The following PTP4A1 variants were observed in gnomAD, a reference collection of about 807,000 sequenced individuals.
PTP4A1 encodes the protein protein tyrosine phosphatase 4A1.
A neutral mutation model predicts 20.5 loss-of-function variants in PTP4A1; 9 were observed. That is an observed-to-expected ratio of 0.44 (90% CI 0.26 to 0.77). The LOEUF (loss-of-function observed/expected upper bound fraction) is 0.77, where lower values mean the gene tolerates loss of function less well. PTP4A1 is among the 30% of genes least tolerant of loss of function. The pLI, the probability that PTP4A1 is intolerant of heterozygous loss-of-function variation, is 0.19. For missense variants in PTP4A1, 137 were observed against 218.8 expected (o/e 0.63, Z 2.36); for synonymous variants, 78 against 67.4 (o/e 1.16, Z -0.77).
intron 3 of PTP4A1, among the ~76,000 whole-genome samples, chr6:63,558,398 C>G (rs1776779175): frequency 6.6e-6 from 1 of 152,156 alleles, no homozygotes; most frequent in Non-Finnish European, 1.5e-5. Context: ...CCACTGCTCT[C>G]CAGACTCAAT....
In PTP4A1 at chr6:63,548,975, C is replaced by G. The variant is rs1015682955; in HGVS notation, c.-639-1325C>G. 13 of 745,360 alleles carry G rather than the reference C, an allele frequency of 1.7e-5. No individual in the cohort carries two copies. The Admixed American group carries it at 2.5e-4, about 14-fold the overall frequency. The allele number at this position is 745,360 out of a possible 1,614,324, so 46.2% of individuals were successfully genotyped here. A position where few individuals can be genotyped will look rare whatever the true frequency, so the allele number is the denominator to read the frequency against. ...CCCCCTTGATAATGCAGTAAGGGACCCGCATTTTATGACACAGGGCAGGCA... is the reference window on the plus strand; with the variant it reads ...CCCCCTTGATAATGCAGTAAGGGACGCGCATTTTATGACACAGGGCAGGCA... On this transcript the variant is annotated intron_variant, in intron 2 of 3. Transcript: ENST00000639568.
intron 2 of PTP4A1, among the ~76,000 whole-genome samples, chr6:63,528,603 G>A (rs1258567640): frequency 6.6e-6 from 1 of 151,762 alleles, no homozygotes; most frequent in Admixed American, 6.6e-5. Context: ...TGAAAAACTA[G>A]CCAGGCATGG....
chr6:63,561,403 TACA>T (rs1776945035), intron 3 of PTP4A1, among the ~76,000 whole-genome samples: 1 of 152,202 alleles, frequency 6.6e-6, no homozygotes, highest in African/African-American at 2.4e-5. Context: ...GGTATATTTC[TACA>T]ACAACCAGCA....
chr6:63,545,707 C>T (rs114912618), intron 2 of PTP4A1, among the ~76,000 whole-genome samples: 2,097 of 152,128 alleles, frequency 0.014, 47 homozygotes, highest in African/African-American at 0.048. Context: ...AGGCCTGTTT[C>T]CTTTTAGAGG....
intron 2 of PTP4A1, among the ~76,000 whole-genome samples, chr6:63,577,712 T>C (rs1777960099): frequency 1.3e-5 from 2 of 152,028 alleles, no homozygotes; most frequent in Non-Finnish European, 2.9e-5. Context: ...GTACGCCACC[T>C]TGCCCAGCTA....
At chr6:63,524,832 A>G (rs1005958575) in intron 1 of PTP4A1, among the ~76,000 whole-genome samples, 14 of 152,262 alleles carry the variant, frequency 9.2e-5, no homozygotes, top group Non-Finnish European at 5.9e-5. Flanking sequence ...TTTTAGAATT[A>G]TAAACATTAT....
Position 63,572,516 on chromosome 6 carries a change from C to G in PTP4A1, c.-649C>G, listed in dbSNP as rs1777506815. The stretch of plus-strand genomic sequence containing the variant: ...TGTATTGGCTCCTTCGGCTGCGGGC[C>G]GGCTCGGCTACGCGCTCTGCTCCGA... On this transcript the variant is annotated 5_prime_UTR_variant, in exon 1 of 6. Transcript: ENST00000626021. 2.6e-6 allele frequency: 1 copy of G among 391,662 alleles called. No homozygotes were observed. Among genetic ancestry groups the G allele is most frequent in the South Asian group, 1.3e-4 (1 of 7,874 alleles). 24.3% of individuals were successfully genotyped at this position (391,662 alleles called of 1,614,324 possible).
intron 3 of PTP4A1, among the ~76,000 whole-genome samples, chr6:63,565,316 C>T (rs1015833700): frequency 6.6e-6 from 1 of 152,004 alleles, no homozygotes; most frequent in African/African-American, 2.4e-5. Context: ...TACACATTCT[C>T]ATTTGATTTG....
intron 1 of PTP4A1, among the ~76,000 whole-genome samples, chr6:63,575,490 G>A (rs1330013936): frequency 6.6e-6 from 1 of 152,076 alleles, no homozygotes; most frequent in Non-Finnish European, 1.5e-5. Context: ...GTTCTTAAGG[G>A]GGAACTTAGA....
chr6:63,551,773 T>G (rs553445028), intron 3 of PTP4A1, among the ~76,000 whole-genome samples: 38 of 146,824 alleles, frequency 2.6e-4, no homozygotes, highest in Admixed American at 4.1e-4. Flanking sequence ...AATTCCCACC[T>G]ATGAATGAGA....
At chr6:63,520,934 G>A (rs1298890743), upstream of PTP4A1, among the ~76,000 whole-genome samples, 1 of 152,082 alleles carries the variant, frequency 6.6e-6, no homozygotes, top group Non-Finnish European at 1.5e-5. Context: ...TCCTTTGCAG[G>A]GACATGGATG....
At chr6:63,544,533 C>G (rs1366396167) in intron 2 of PTP4A1, among the ~76,000 whole-genome samples, 1 of 151,996 alleles carries the variant, frequency 6.6e-6, no homozygotes, top group Non-Finnish European at 1.5e-5. Context: ...ATCTAGTTGT[C>G]GAAGTAACAT....
At chr6:63,572,184 C>G (rs574692718), upstream of PTP4A1, 5 of 154,704 alleles carry the variant, frequency 3.2e-5, no homozygotes, top group South Asian at 8.2e-4. Flanking sequence ...ATGATTCCTT[C>G]CAGTCGATAA....
chr6:63,568,397 G>C (rs1777278516), upstream of PTP4A1, among the ~76,000 whole-genome samples: 1 of 152,212 alleles, frequency 6.6e-6, no homozygotes, highest in Non-Finnish European at 1.5e-5. Context: ...CAGCGGAGCA[G>C]TCAGAATATA....
At chr6:63,549,080 G>C in intron 2 of PTP4A1, 1 of 713,748 alleles carries the variant, frequency 1.4e-6, no homozygotes, top group Non-Finnish European at 2.6e-6. Context: ...GCAAGGTGGT[G>C]ATGGTGTTAA....
At chr6:63,529,944 A>G (rs1413229779) in intron 2 of PTP4A1, among the ~76,000 whole-genome samples, 1 of 152,182 alleles carries the variant, frequency 6.6e-6, no homozygotes, top group African/African-American at 2.4e-5. Flanking sequence ...TGCCATTACA[A>G]ATAGTTATGT....
At chr6:63,561,930 A>G (rs1355223456) in intron 3 of PTP4A1, among the ~76,000 whole-genome samples, 1 of 152,154 alleles carries the variant, frequency 6.6e-6, no homozygotes, top group Non-Finnish European at 1.5e-5. Context: ...AAGGCTACAG[A>G]CCTATCGGTG....
intron 5 of PTP4A1, 43 bp from the exon 6 acceptor site, chr6:63,580,014 G>A: frequency 7.0e-7 from 1 of 1,419,414 alleles, no homozygotes; most frequent in Non-Finnish European, 9.8e-7. Flanking sequence ...ATTACTGTAG[G>A]GGGCTTTTGC....
At chr6:63,535,331 T>C (rs1328873639) in intron 2 of PTP4A1, among the ~76,000 whole-genome samples, 1 of 151,928 alleles carries the variant, frequency 6.6e-6, no homozygotes, top group Non-Finnish European at 1.5e-5. Flanking sequence ...CCAGGCATAG[T>C]GGCATGCTTG....
Sources: allele counts gnomAD v4.1 joint callset (sites outside exome capture counted in the v4.1 genomes callset), GRCh38; gene constraint gnomAD v4.1.1; transcripts MANE v1.5; gene names NCBI Gene and HGNC (gene_info 2026-07-23, HGNC 2026-07-21).